CCDC85C: variants seen among roughly 807,000 people sequenced by gnomAD.
CCDC85C encodes the protein coiled-coil domain containing 85C.
CCDC85C carries 18 observed loss-of-function variants against 38.3 expected under a neutral mutation model. The ratio of observed to expected loss-of-function variants is 0.47; its 90% CI spans 0.33 to 0.70. The LOEUF is 0.70. CCDC85C is among the 30% of genes least tolerant of loss of function. CCDC85C has a pLI of 0.03. For missense variants in CCDC85C, 566 were observed against 621.2 expected, an observed-to-expected ratio of 0.91 and a Z score of 0.94; for synonymous variants, 264 against 293.8, an observed-to-expected ratio of 0.90 and a Z score of 1.04.
In CCDC85C at chr14:99,510,267, GT is replaced by G; in HGVS notation, c.*4978del. Reference sequence around the variant, plus strand: ...TCCCCCTCCGGCCCACCCGGCCCCTGTGCACCAGCCACCGCCGCTGCCACAC... The same window carrying G: ...TCCCCCTCCGGCCCACCCGGCCCCTGGCACCAGCCACCGCCGCTGCCACAC... On this transcript the variant is annotated 3_prime_UTR_variant, in exon 6 of 6. Coordinates refer to ENST00000380243, the MANE Select transcript of CCDC85C (RefSeq NM_001144995.2). The G allele has an allele frequency of 7.8e-7, 1 of 1,274,438 alleles. No individual in the cohort carries two copies. The highest frequency in any genetic ancestry group is 2.9e-5 in the Admixed American group (1 of 35,062). 78.9% of individuals were successfully genotyped at this position (1,274,438 alleles called of 1,614,324 possible).
chr14:99,523,668 T>G (rs1396133075), intron 2 of CCDC85C, among the ~76,000 whole-genome samples: 1 of 152,002 alleles, frequency 6.6e-6, no homozygotes, highest in African/African-American at 2.4e-5. Flanking sequence ...CTGGGTGTGG[T>G]CCAAGGTCAG....
At position 99,533,354 on chromosome 14, in the gene CCDC85C, CAG is replaced by C. The variant is rs1341837882; in HGVS notation, c.867+2659_867+2660del. Among the ~76,000 whole-genome samples the C allele has an allele frequency of 6.6e-6, 1 of 152,228 alleles. No individual in the cohort carries two copies. Among genetic ancestry groups the C allele is most frequent in the Non-Finnish European group, 1.5e-5 (1 of 68,040 alleles). ...CTGGGTGCCCTCCTGCCACACCACA[CAG>C]AGATACAAGCTCCTTCAGCGACCAC... On this transcript the variant is annotated intron_variant, in intron 2 of 5. Transcript: ENST00000380243. The surrounding 1 kb of genome is among the most constrained non-coding windows in gnomAD (Gnocchi z 4.2).
At chr14:99,573,218 C>T (rs1453226739) in intron 1 of CCDC85C, among the ~76,000 whole-genome samples, 4 of 152,170 alleles carry the variant, frequency 2.6e-5, no homozygotes, top group Non-Finnish European at 4.4e-5. Flanking sequence ...CCGCCTAGAG[C>T]GAACAGGACC....
chr14:99,526,302 G>T (rs1897382320), intron 2 of CCDC85C, among the ~76,000 whole-genome samples: 1 of 152,246 alleles, frequency 6.6e-6, no homozygotes, highest in Admixed American at 6.5e-5. Context: ...AAAGCCACAT[G>T]AGCCCAGGCC....
chr14:99,552,331 T>C (rs1189746286), intron 1 of CCDC85C, among the ~76,000 whole-genome samples: 2 of 152,180 alleles, frequency 1.3e-5, no homozygotes, highest in East Asian at 3.9e-4. Context: ...CAAGGGTCTC[T>C]GGGGGCCTTC....
chr14:99,524,759 C>A (rs972909757), intron 2 of CCDC85C, among the ~76,000 whole-genome samples: 36 of 152,346 alleles, frequency 2.4e-4, no homozygotes, highest in South Asian at 1.2e-3. Flanking sequence ...GCTGAAATCA[C>A]CTGCTGGGCT....
In CCDC85C at chr14:99,504,052, G is replaced by A. The variant is rs141637525; in HGVS notation, c.*11194C>T. 41 of 377,250 alleles carry A rather than the reference G, an allele frequency of 1.1e-4. No homozygotes were observed. The highest frequency in any genetic ancestry group is 5.3e-4 in the Middle Eastern group (1 of 1,892). The allele number at this position is 377,250 out of a possible 1,614,324, so 23.4% of individuals were successfully genotyped here. A position where few individuals can be genotyped will look rare whatever the true frequency, so the allele number is the denominator to read the frequency against. ...TGTGCTGCCCGGACAGCACCAGCCC[G>A]GCCCAGCCCAGCTGCCCTTGCAGGC... On this transcript the variant is annotated 3_prime_UTR_variant, in exon 6 of 6. Transcript: ENST00000380243.
Position 99,555,354 on chromosome 14 carries a change from G to A in CCDC85C, c.794-19266C>T, listed in dbSNP as rs1231848302. Among the ~76,000 whole-genome samples, 5 of 152,182 alleles carry A rather than the reference G, an allele frequency of 3.3e-5. No homozygotes were observed. The East Asian group carries it at 7.7e-4, about 23-fold the overall frequency. On this transcript the variant is annotated intron_variant, in intron 1 of 5. Transcript: ENST00000380243. ...ATGACCTTGGGACTCTAGGGTGTCCGCCGGCTTGTCCAAGGCTACAGGTCA... is the reference window on the plus strand; with the variant it reads ...ATGACCTTGGGACTCTAGGGTGTCCACCGGCTTGTCCAAGGCTACAGGTCA...
At position 99,500,798 on chromosome 14, in the gene CCDC85C, G is replaced by A; in HGVS notation, c.*14448C>T. On this transcript the variant is annotated 3_prime_UTR_variant, in exon 6 of 6. Coordinates refer to ENST00000380243, the MANE Select transcript of CCDC85C (RefSeq NM_001144995.2). ...TAATGGTTCTGGAGAGAATCTTACT[G>A]CAGACCATCAAGTTTGATTTACAGG... 2 of 1,566,322 alleles carry A rather than the reference G, an allele frequency of 1.3e-6. No individual in the cohort carries two copies. The highest frequency in any genetic ancestry group is 2.4e-5 in the South Asian group (2 of 84,808).
chr14:99,523,368 A>G (rs1219280717), intron 2 of CCDC85C, among the ~76,000 whole-genome samples: 1 of 152,108 alleles, frequency 6.6e-6, no homozygotes, highest in Non-Finnish European at 1.5e-5. Context: ...CCCCAGCCTC[A>G]CTGAGGTCCA....
rs1896962312 is a variant in CCDC85C at position 99,505,934 on chromosome 14, A to T, written c.*9312T>A. On this transcript the variant is annotated 3_prime_UTR_variant, in exon 6 of 6. Coordinates refer to ENST00000380243, the MANE Select transcript of CCDC85C (RefSeq NM_001144995.2). ...GTTATATTGCTGTTGGACAGCCCTG[A>T]TGTAGACGGCTTTAGCTAACTATTA... is the stretch of plus-strand genomic sequence containing the variant. The T allele has an allele frequency of 6.6e-6, 1 of 152,344 alleles. No homozygotes were observed. The highest frequency in any genetic ancestry group is 2.4e-5 in the African/African-American group (1 of 41,470). 9.4% of individuals were successfully genotyped at this position (152,344 alleles called of 1,614,324 possible). A position where few individuals can be genotyped will look rare whatever the true frequency, so the allele number is the denominator to read the frequency against.
chr14:99,570,904 C>T (rs993192391), intron 1 of CCDC85C, among the ~76,000 whole-genome samples: 2 of 152,128 alleles, frequency 1.3e-5, no homozygotes, highest in Admixed American at 1.3e-4. Flanking sequence ...TGGAAAGGGG[C>T]CTCCTTCCCT....
rs1897120865 is a variant in CCDC85C, at chr14:99,511,126, A to C, written c.*4120T>G. Reference sequence around the variant, plus strand: ...TTCGGTAAGGAGTTAATTTCCTTCTAGAAATCAGTGCCTATTTTTCCTGGA... The same window carrying C: ...TTCGGTAAGGAGTTAATTTCCTTCTCGAAATCAGTGCCTATTTTTCCTGGA... On this transcript the variant is annotated 3_prime_UTR_variant, in exon 6 of 6. Transcript: ENST00000380243. The C allele has an allele frequency of 5.5e-6, 1 of 182,364 alleles. No individual in the cohort carries two copies. Among genetic ancestry groups the C allele is most frequent in the Non-Finnish European group, 1.1e-5 (1 of 88,064 alleles). 11.3% of individuals were successfully genotyped at this position (182,364 alleles called of 1,614,324 possible).
chr14:99,534,676 CT>C (rs1204435733), intron 2 of CCDC85C: 10 of 702,288 alleles, frequency 1.4e-5, no homozygotes, highest in Admixed American at 2.0e-5. Flanking sequence ...TCCACACACC[CT>C]CCTTAGCAAC....
chr14:99,572,815 G>A lies in CCDC85C; in HGVS notation c.793+30352C>T. 2.2e-6 allele frequency: 1 copy of A among 456,102 alleles called. No individual in the cohort carries two copies. The highest frequency in any genetic ancestry group is 4.4e-6 in the Non-Finnish European group (1 of 226,802). 28.3% of individuals were successfully genotyped at this position (456,102 alleles called of 1,614,324 possible). ...TGTCTTGCTTCATGGAAGTATCCCA[G>A]GAGCATGGAAACGGGGCCTGGTGTG... is the stretch of plus-strand genomic sequence containing the variant. On this transcript the variant is annotated intron_variant, in intron 1 of 5. Coordinates refer to ENST00000380243, the MANE Select transcript of CCDC85C (RefSeq NM_001144995.2). This position sits in a 1 kb window ranked among gnomAD's most constrained non-coding sequence, Gnocchi z 4.4.
intron 1 of CCDC85C, among the ~76,000 whole-genome samples, chr14:99,551,215 G>A (rs1051823735): frequency 2.0e-5 from 3 of 152,182 alleles, no homozygotes; most frequent in South Asian, 2.1e-4. Flanking sequence ...CAGCGTACAC[G>A]GAGCACTGGG....
At chr14:99,539,330 C>A (rs946399652) in intron 1 of CCDC85C, among the ~76,000 whole-genome samples, 1 of 151,840 alleles carries the variant, frequency 6.6e-6, no homozygotes, top group African/African-American at 2.4e-5. Context: ...ATTAGCTGGG[C>A]GTGATGGCAG....
chr14:99,536,156 A>G (rs1897594335), intron 1 of CCDC85C, 68 bp from the exon 2 acceptor site: 4 of 1,104,286 alleles, frequency 3.6e-6, no homozygotes, highest in East Asian at 2.6e-5. Context: ...CGCAACCCCG[A>G]CTGGCCCCAG....
intron 1 of CCDC85C, among the ~76,000 whole-genome samples, chr14:99,567,481 G>A (rs1282214632): frequency 6.6e-6 from 1 of 152,150 alleles, no homozygotes; most frequent in East Asian, 1.9e-4. Context: ...CCAGCAGGAG[G>A]GACCCCTGGG....
Sources: gnomAD v4.1 joint callset for allele counts (sites outside exome capture counted in the v4.1 genomes callset) on GRCh38, gnomAD v4.1.1 for gene constraint, Gnocchi (gnomAD v3.1) non-coding constraint, MANE v1.5 for transcripts, NCBI Gene and HGNC (gene_info 2026-07-23, HGNC 2026-07-21) for gene names.